MS4A10: variants seen among roughly 807,000 people sequenced by gnomAD.
The protein encoded by MS4A10 is membrane spanning 4-domains A10.
MS4A10 carries 27 observed loss-of-function variants against 27.7 expected under a neutral mutation model. That is an observed-to-expected ratio of 0.98 (90% CI 0.72 to 1.35). The LOEUF (loss-of-function observed/expected upper bound fraction) is 1.35, where lower values mean the gene tolerates loss of function less well. MS4A10 is among the 40% of genes most tolerant of loss of function. The probability of loss-of-function intolerance (pLI) is 0.00; values close to 1 mark genes in which losing one functional copy is unlikely to be tolerated. For synonymous variants in MS4A10, 139 were observed against 131.2 expected, an observed-to-expected ratio of 1.06 and a Z score of -0.41; for missense variants, 338 against 324.7, an observed-to-expected ratio of 1.04 and a Z score of -0.32.
intron 1 of MS4A10, among the ~76,000 whole-genome samples, chr11:60,786,775 T>C (rs892298378): frequency 3.9e-5 from 6 of 152,168 alleles, no homozygotes; most frequent in Non-Finnish European, 8.8e-5. Context: ...CAACTGTGGC[T>C]GACATTTATT....
intron 1 of MS4A10, among the ~76,000 whole-genome samples, chr11:60,788,554 G>T (rs1854375919): frequency 6.6e-6 from 1 of 152,230 alleles, no homozygotes; most frequent in Admixed American, 6.5e-5. Context: ...CCTTAGTCCA[G>T]CTAGCTGTGT....
At chr11:60,798,771 C>T (rs1461331194) in intron 7 of MS4A10, among the ~76,000 whole-genome samples, 1 of 152,240 alleles carries the variant, frequency 6.6e-6, no homozygotes, top group Admixed American at 6.5e-5. Flanking sequence ...CTCAGCTGAA[C>T]CTGGGCGCAA....
Position 60,800,582 on chromosome 11 carries a change from CCT to C in MS4A10, c.*676_*677del, listed in dbSNP as rs1215736158. The stretch of plus-strand genomic sequence containing the variant: ...GGGGTTTGAGGTTCTTTGAATTCTC[CCT>C]CTTTGTCATCTCTTTCGCTGCCACT... On this transcript the variant is annotated 3_prime_UTR_variant, in exon 8 of 8. Transcript: ENST00000308287. 1 of 152,260 alleles carries C rather than the reference CCT, an allele frequency of 6.6e-6. No homozygotes were observed. The highest frequency in any genetic ancestry group is 2.4e-5 in the African/African-American group (1 of 41,430). The allele number at this position is 152,260 out of a possible 1,614,324, so 9.4% of individuals were successfully genotyped here.
chr11:60,791,226 T>C, intron 3 of MS4A10, 133 bp downstream of exon 3: 1 of 1,158,100 alleles, frequency 8.6e-7, no homozygotes, highest in Non-Finnish European at 1.2e-6. Flanking sequence ...AGGCCCTTTC[T>C]CCAGTGTTCC....
At chr11:60,795,863 A>G (rs1194514166) in intron 6 of MS4A10, among the ~76,000 whole-genome samples, 198 bp downstream of exon 6, 2 of 152,148 alleles carry the variant, frequency 1.3e-5, no homozygotes, top group East Asian at 1.9e-4. Flanking sequence ...AGGCCAATCC[A>G]AGGAGAAAAG....
intron 1 of MS4A10, among the ~76,000 whole-genome samples, chr11:60,786,635 A>T (rs922174338): frequency 1.3e-5 from 2 of 151,802 alleles, no homozygotes; most frequent in Non-Finnish European, 2.9e-5. Context: ...TGTAAGCAGG[A>T]TGCAGATGGA....
intron 7 of MS4A10, among the ~76,000 whole-genome samples, chr11:60,798,950 G>A (rs546263349): frequency 6.6e-6 from 1 of 152,336 alleles, no homozygotes; most frequent in Admixed American, 6.5e-5. Context: ...AGCGGCACAG[G>A]CAGGGGCTTC....
At chr11:60,787,522 T>C (rs930603900) in intron 1 of MS4A10, among the ~76,000 whole-genome samples, 1 of 152,194 alleles carries the variant, frequency 6.6e-6, no homozygotes, top group African/African-American at 2.4e-5. Context: ...AGAAGTATTA[T>C]ATTTAAAGTT....
intron 3 of MS4A10, 72 bp from the exon 4 acceptor site, chr11:60,792,193 G>C: frequency 1.7e-6 from 2 of 1,165,224 alleles, no homozygotes; most frequent in South Asian, 1.2e-5. Context: ...GGAGAATAGG[G>C]GTGGGGGTGG....
chr11:60,798,088 G>GC (rs936541707), intron 6 of MS4A10, among the ~76,000 whole-genome samples: 2 of 152,196 alleles, frequency 1.3e-5, no homozygotes, highest in African/African-American at 2.4e-5. Context: ...TCATGGCCCA[G>GC]CCCCCCTCAG....
At chr11:60,789,165 T>C (rs1854385992) in intron 1 of MS4A10, among the ~76,000 whole-genome samples, 1 of 152,156 alleles carries the variant, frequency 6.6e-6, no homozygotes, top group Admixed American at 6.5e-5. Context: ...ACTTCCTGGA[T>C]CCACAAGTCA....
At chr11:60,799,088 C>A (rs147172104) in intron 7 of MS4A10, among the ~76,000 whole-genome samples, 1 of 152,256 alleles carries the variant, frequency 6.6e-6, no homozygotes, top group African/African-American at 2.4e-5. Flanking sequence ...TGAACTAGAC[C>A]CTCTGCATGA....
chr11:60,790,822 TG>T, intron 2 of MS4A10, 151 bp from the exon 3 acceptor site: 1 of 1,177,164 alleles, frequency 8.5e-7, no homozygotes, highest in Non-Finnish European at 1.2e-6. Flanking sequence ...CAGGAAATCC[TG>T]GGGAGTGGTC....
At chr11:60,786,178 C>T (rs556979385) in intron 1 of MS4A10, among the ~76,000 whole-genome samples, 1 of 138,570 alleles carries the variant, frequency 7.2e-6, no homozygotes, top group East Asian at 2.1e-4. Context: ...CACATGCACA[C>T]ACACACACAC....
chr11:60,794,185 C>A, intron 5 of MS4A10, 82 bp downstream of exon 5: 2 of 1,547,922 alleles, frequency 1.3e-6, no homozygotes, highest in Non-Finnish European at 1.8e-6. Context: ...TTCCAGCTCA[C>A]AGAAAGCCCC....
chr11:60,792,844 G>A (rs1854453724), intron 4 of MS4A10, among the ~76,000 whole-genome samples: 1 of 152,164 alleles, frequency 6.6e-6, no homozygotes, highest in South Asian at 2.1e-4. Context: ...CAACCTGTAT[G>A]TCTTGTCCTC....
intron 1 of MS4A10, among the ~76,000 whole-genome samples, chr11:60,788,812 C>T (rs185491684): frequency 1.3e-5 from 2 of 152,322 alleles, no homozygotes. Flanking sequence ...AGAGCACTGG[C>T]GATGGAGTAA....
chr11:60,791,192 G>A, intron 3 of MS4A10, 99 bp downstream of exon 3: 1 of 1,490,462 alleles, frequency 6.7e-7, no homozygotes, highest in Non-Finnish European at 9.1e-7. Flanking sequence ...GATAGAGAGA[G>A]CTAATAGGAG....
intron 6 of MS4A10, among the ~76,000 whole-genome samples, chr11:60,796,195 T>TCGA (rs577078164): frequency 2.1e-5 from 2 of 95,978 alleles, no homozygotes; most frequent in African/African-American, 8.7e-5. Context: ...GATGCATCCA[T>TCGA]TGATGGATGG....
Sources: gnomAD v4.1 joint callset for allele counts (sites outside exome capture counted in the v4.1 genomes callset) on GRCh38, gnomAD v4.1.1 for gene constraint, MANE v1.5 for transcripts, NCBI Gene and HGNC (gene_info 2026-07-23, HGNC 2026-07-21) for gene names.